Variants in TBC1D32 observed in about 807,000 individuals in gnomAD.
TBC1D32 encodes the protein TBC1 domain family member 32.
TBC1D32 carries 151 observed loss-of-function variants against 170.3 expected under a neutral mutation model. The observed-to-expected ratio is 0.89, with a 90% CI of 0.78 to 1.01. The LOEUF is 1.01. TBC1D32 is among the 50% of genes least tolerant of loss of function. The probability of loss-of-function intolerance (pLI) is 0.00; values close to 1 mark genes in which losing one functional copy is unlikely to be tolerated. For missense variants in TBC1D32, 1,464 were observed against 1,457.1 expected (o/e 1.00, Z -0.08); for synonymous variants, 498 against 488.0 (o/e 1.02, Z -0.27).
At chr6:121,255,075 G>A (rs557045187) in intron 17 of TBC1D32, among the ~76,000 whole-genome samples, 37 of 151,920 alleles carry the variant, frequency 2.4e-4, no homozygotes, top group Non-Finnish European at 4.3e-4. Context: ...CTGGAAACAC[G>A]ATAATATCAC....
intron 15 of TBC1D32, among the ~76,000 whole-genome samples, chr6:121,277,554 G>A (rs1172743176): frequency 2.1e-5 from 3 of 141,654 alleles, no homozygotes; most frequent in East Asian, 2.1e-4. Context: ...AAAATATTTT[G>A]AACTAAATGA....
chr6:121,126,488 A>G (rs1274013435), intron 25 of TBC1D32, 27 bp from the exon 26 acceptor site: 5 of 1,527,862 alleles, frequency 3.3e-6, no homozygotes, highest in Non-Finnish European at 4.5e-6. Context: ...AATAATTAGG[A>G]TATTAAAGGT....
chr6:121,138,252 A>T (rs1782361483), intron 24 of TBC1D32, among the ~76,000 whole-genome samples: 1 of 152,160 alleles, frequency 6.6e-6, no homozygotes, highest in South Asian at 2.1e-4. Flanking sequence ...CATATCTTAC[A>T]TAGATTATTC....
intron 22 of TBC1D32, among the ~76,000 whole-genome samples, chr6:121,177,550 T>C (rs785404): frequency 0.12 from 17,742 of 152,144 alleles, 1,493 homozygotes; most frequent in Admixed American, 0.23. Context: ...TGGACTAATA[T>C]AGTAGCATAC....
chr6:121,312,747 A>T (rs1365048406), intron 3 of TBC1D32, among the ~76,000 whole-genome samples: 1 of 152,224 alleles, frequency 6.6e-6, no homozygotes, highest in African/African-American at 2.4e-5. Flanking sequence ...TAAAATGTCA[A>T]GGATAGTTTT....
intron 15 of TBC1D32, among the ~76,000 whole-genome samples, chr6:121,275,541 T>C (rs939470011): frequency 8.5e-5 from 13 of 152,112 alleles, no homozygotes; most frequent in Non-Finnish European, 7.4e-5. Flanking sequence ...TAAGTAAATA[T>C]AAATCAAAAC....
chr6:121,252,477 C>T (rs1563085313), intron 17 of TBC1D32, among the ~76,000 whole-genome samples: 1 of 152,098 alleles, frequency 6.6e-6, no homozygotes, highest in Non-Finnish European at 1.5e-5. Context: ...GAACAGAAAA[C>T]CAAACACTGC....
intron 31 of TBC1D32, among the ~76,000 whole-genome samples, chr6:121,087,950 ATTT>A (rs571335757): frequency 0.21 from 29,096 of 141,256 alleles, 4,085 homozygotes; most frequent in African/African-American, 0.39. Context: ...TACATGGGGA[ATTT>A]TTTTTTTTTT....
chr6:121,114,838 C>T (rs747152147), intron 27 of TBC1D32, among the ~76,000 whole-genome samples: 1 of 152,090 alleles, frequency 6.6e-6, no homozygotes, highest in Non-Finnish European at 1.5e-5. Flanking sequence ...GTACTCATCA[C>T]CATGGAATTA....
At chr6:121,265,115 A>G (rs1800296547) in intron 15 of TBC1D32, among the ~76,000 whole-genome samples, 1 of 152,208 alleles carries the variant, frequency 6.6e-6, no homozygotes, top group South Asian at 2.1e-4. Context: ...GAAGAGAGGA[A>G]GTCAAATTGT....
intron 24 of TBC1D32, among the ~76,000 whole-genome samples, chr6:121,154,513 A>T (rs551428648): frequency 6.6e-6 from 1 of 152,280 alleles, no homozygotes; most frequent in African/African-American, 2.4e-5. Context: ...TCTTGATATT[A>T]GCTCCCTACC....
At chr6:121,305,672 A>G (rs1430270204) in intron 5 of TBC1D32, among the ~76,000 whole-genome samples, 1 of 152,092 alleles carries the variant, frequency 6.6e-6, no homozygotes, top group African/African-American at 2.4e-5. Flanking sequence ...TACTTTGGGA[A>G]GTCTATTTTT....
Position 121,255,323 on chromosome 6 carries a change from C to A in TBC1D32, c.2018+5G>T. ...AAATGCATGACTTTCATCAATTGTA[C>A]TTACATGTTTTGGGATTCCTGGCTT... On this transcript the variant is annotated splice_donor_5th_base_variant and intron_variant, in intron 17 of 31. Transcript: ENST00000398212. The A allele has an allele frequency of 6.5e-7, 1 of 1,532,432 alleles. No homozygotes were observed. Among genetic ancestry groups the A allele is most frequent in the Non-Finnish European group, 8.9e-7 (1 of 1,125,688 alleles). The allele number at this position is 1,532,432 out of a possible 1,614,324, so 94.9% of individuals were successfully genotyped here. A position where few individuals can be genotyped will look rare whatever the true frequency, so the allele number is the denominator to read the frequency against.
chr6:121,085,882 G>A lies in TBC1D32; in HGVS notation c.3654+4971C>T, dbSNP rs530567242. The stretch of plus-strand genomic sequence containing the variant: ...GACTTAGTCTTGGCTAGGTTAATGA[G>A]GGAATAGGTCCTGATCAGAAACAGT... On this transcript the variant is annotated intron_variant, in intron 31 of 31. Transcript: ENST00000398212. Among the ~76,000 whole-genome samples, 3 of 152,158 alleles carry A rather than the reference G, an allele frequency of 2.0e-5. No individual in the cohort carries two copies. In the South Asian group the frequency reaches 6.2e-4, roughly 32 times the overall value.
At chr6:121,258,535 T>C (rs1799348263) in intron 15 of TBC1D32, among the ~76,000 whole-genome samples, 1 of 151,976 alleles carries the variant, frequency 6.6e-6, no homozygotes, top group Admixed American at 6.6e-5. Context: ...ATCCTAGATA[T>C]CTTGTTTCCA....
At chr6:121,334,689 C>A, upstream of TBC1D32, 1 of 515,288 alleles carries the variant, frequency 1.9e-6, no homozygotes, top group Non-Finnish European at 3.5e-6. Flanking sequence ...ACCAGCAGAC[C>A]TCAGGCTCTC....
At chr6:121,268,446 T>C (rs143179352) in intron 15 of TBC1D32, among the ~76,000 whole-genome samples, 3,643 of 152,152 alleles carry the variant, frequency 0.024, 160 homozygotes, top group East Asian at 0.12. Context: ...AACCATGGCA[T>C]GAGAACTACG....
chr6:121,266,327 G>C (rs1005442144), intron 15 of TBC1D32, among the ~76,000 whole-genome samples: 4 of 152,044 alleles, frequency 2.6e-5, no homozygotes, highest in Non-Finnish European at 4.4e-5. Flanking sequence ...CTCAATATTA[G>C]TGATCATTAG....
intron 31 of TBC1D32, among the ~76,000 whole-genome samples, chr6:121,082,309 T>G (rs1392181980): frequency 6.6e-6 from 1 of 152,100 alleles, no homozygotes; most frequent in Non-Finnish European, 1.5e-5. Context: ...TAAAAATATT[T>G]CACTTTTTTC....
Sources: gnomAD v4.1 joint callset for allele counts (sites outside exome capture counted in the v4.1 genomes callset) on GRCh38, gnomAD v4.1.1 for gene constraint, MANE v1.5 for transcripts, NCBI Gene and HGNC (gene_info 2026-07-23, HGNC 2026-07-21) for gene names.